The following TOLLIP variants were observed in gnomAD, a reference collection of about 807,000 sequenced individuals.
The protein encoded by TOLLIP is toll-interacting protein.
In TOLLIP, 16 loss-of-function variants were observed where a neutral mutation model predicts 33.5. The observed-to-expected ratio is 0.48, with a 90% CI of 0.32 to 0.72. TOLLIP has a LOEUF of 0.72. Ranked by LOEUF, TOLLIP falls within the 30% of genes least tolerant of loss-of-function variation. The probability of loss-of-function intolerance (pLI) is 0.03; values close to 1 mark genes in which losing one functional copy is unlikely to be tolerated. For missense variants in TOLLIP, 325 were observed against 396.6 expected (o/e 0.82, Z 1.53); for synonymous variants, 176 against 163.7 (o/e 1.07, Z -0.57).
intron 4 of TOLLIP, among the ~76,000 whole-genome samples, chr11:1,288,294 G>A (rs773429643): frequency 3.5e-4 from 53 of 152,330 alleles, no homozygotes; most frequent in Non-Finnish European, 5.6e-4. Flanking sequence ...GGACCCTAAG[G>A]GCAGAGCTTG....
Position 1,276,845 on chromosome 11 carries a change from C to T in TOLLIP, c.*194G>A, listed in dbSNP as rs5744018. The T allele has an allele frequency of 6.5e-7, 1 of 1,533,258 alleles. No homozygotes were observed. The highest frequency in any genetic ancestry group is 8.7e-7 in the Non-Finnish European group (1 of 1,145,440). The allele number at this position is 1,533,258 out of a possible 1,614,324, so 95.0% of individuals were successfully genotyped here. The stretch of plus-strand genomic sequence containing the variant: ...GCACGAGATGGGAGGGGAGCCCCCG[C>T]CCCGTCCTGGACCGCCAGGAACCGA... On this transcript the variant is annotated 3_prime_UTR_variant, in exon 6 of 6. Transcript: ENST00000317204.
At position 1,288,784 on chromosome 11, in the gene TOLLIP, A is replaced by G. The variant is rs930572396; in HGVS notation, c.367-8T>C. 1 of 1,610,098 alleles carries G rather than the reference A, an allele frequency of 6.2e-7. No homozygotes were observed. The highest frequency in any genetic ancestry group is 1.3e-5 in the African/African-American group (1 of 74,864). On this transcript the variant is annotated splice_region_variant and splice_polypyrimidine_tract_variant and intron_variant, in intron 3 of 5. Coordinates refer to ENST00000317204, the MANE Select transcript of TOLLIP (RefSeq NM_019009.4). ...GTCCATGGAGAAGGCTCTCTGCGGG[A>G]GACAAGAGGGAGAGGCCCCAGGCAT...
chr11:1,302,300 C>T (rs892435145), intron 1 of TOLLIP, among the ~76,000 whole-genome samples: 5 of 152,334 alleles, frequency 3.3e-5, no homozygotes, highest in African/African-American at 9.6e-5. Context: ...GTGGCCCTGG[C>T]GGTCCCTCTG....
chr11:1,290,860 A>C lies in TOLLIP; in HGVS notation c.184-451T>G, dbSNP rs1863910755. On this transcript the variant is annotated intron_variant, in intron 2 of 5. Coordinates refer to ENST00000317204, the MANE Select transcript of TOLLIP (RefSeq NM_019009.4). The surrounding 1 kb of genome is among the most constrained non-coding windows in gnomAD (Gnocchi z 4.9). ...TGCATCCTCGCTCTAGGTGAGAGTG[A>C]GGACACCTGCTGCACATAATTCAGA... 6.2e-6 allele frequency: 1 copy of C among 160,598 alleles called. No homozygotes were observed. The highest frequency in any genetic ancestry group is 6.0e-5 in the Admixed American group (1 of 16,628). The allele number at this position is 160,598 out of a possible 1,614,324, so 9.9% of individuals were successfully genotyped here.
intron 5 of TOLLIP, chr11:1,283,548 C>T: frequency 2.2e-6 from 1 of 456,232 alleles, no homozygotes; most frequent in Non-Finnish European, 4.4e-6. Flanking sequence ...TCCTGCATCT[C>T]CTTGGGAACT....
rs1590230874 is a variant in TOLLIP, at chr11:1,303,979, T to A, written c.33+5487A>T. On this transcript the variant is annotated intron_variant, in intron 1 of 5. Transcript: ENST00000317204. The surrounding 1 kb of genome is among the most constrained non-coding windows in gnomAD (Gnocchi z 4.2). ...TGAACCTGGGAGGAAGAGGTTGCAG[T>A]GAGTTGAGATTGTGCCACTGCACTC... 7.1e-6 allele frequency among the ~76,000 whole-genome samples: 1 copy of A among 141,676 alleles called. No homozygotes were observed. The highest frequency in any genetic ancestry group is 2.7e-5 in the African/African-American group (1 of 37,196). The allele number at this position is 141,676 out of a possible 152,430, so 92.9% of individuals were successfully genotyped here.
intron 1 of TOLLIP, among the ~76,000 whole-genome samples, chr11:1,308,789 G>T (rs1471326874): frequency 1.2e-5 from 1 of 83,208 alleles, no homozygotes; most frequent in Non-Finnish European, 2.6e-5. Context: ...GTGTAAATGA[G>T]AAAGAGGAAA....
intron 2 of TOLLIP, among the ~76,000 whole-genome samples, chr11:1,293,059 G>A (rs573654819): frequency 6.6e-6 from 1 of 152,294 alleles, no homozygotes; most frequent in Admixed American, 6.5e-5. Context: ...GGGTGGGTGC[G>A]GGGGGCTCCA....
At chr11:1,293,306 G>A (rs1056823804) in intron 2 of TOLLIP, among the ~76,000 whole-genome samples, 4 of 152,228 alleles carry the variant, frequency 2.6e-5, no homozygotes, top group African/African-American at 9.6e-5. Flanking sequence ...GCCATGGTCC[G>A]TACCTAGGGA....
At chr11:1,286,556 C>T (rs922307952) in intron 4 of TOLLIP, among the ~76,000 whole-genome samples, 3 of 151,738 alleles carry the variant, frequency 2.0e-5, no homozygotes, top group South Asian at 2.1e-4. Flanking sequence ...CTGTCAACTG[C>T]GGATAAGTCA....
intron 4 of TOLLIP, among the ~76,000 whole-genome samples, chr11:1,287,409 GCCTCCCCGCCGCAC>G (rs1564969382): frequency 0.027 from 3,016 of 111,030 alleles, 874 homozygotes; most frequent in South Asian, 0.045. Context: ...CCCCGCCGCA[GCCTCCCCGCCGCAC>G]CCTCCCCGCC....
At position 1,305,312 on chromosome 11, in the gene TOLLIP, C is replaced by T. The variant is rs756518479; in HGVS notation, c.33+4154G>A. On this transcript the variant is annotated intron_variant, in intron 1 of 5. Transcript: ENST00000317204. Reference sequence around the variant, plus strand: ...CTGGCTCAGGTGCAGTCAGCAGGAACGGACGCCCTCCCAGGAGCAGCCCAC... The same window carrying T: ...CTGGCTCAGGTGCAGTCAGCAGGAATGGACGCCCTCCCAGGAGCAGCCCAC... Among the ~76,000 whole-genome samples, 7 of 152,336 alleles carry T rather than the reference C, an allele frequency of 4.6e-5. No homozygotes were observed. The South Asian group carries it at 1.2e-3, about 27-fold the overall frequency.
Position 1,275,566 on chromosome 11 carries a change from G to C in TOLLIP, c.*1473C>G, listed in dbSNP as rs1590200746. 6.6e-6 allele frequency: 1 copy of C among 152,232 alleles called. No individual in the cohort carries two copies. Among genetic ancestry groups the C allele is most frequent in the East Asian group, 1.9e-4 (1 of 5,180 alleles). The allele number at this position is 152,232 out of a possible 1,614,324, so 9.4% of individuals were successfully genotyped here. On this transcript the variant is annotated 3_prime_UTR_variant, in exon 6 of 6. Coordinates refer to ENST00000317204, the MANE Select transcript of TOLLIP (RefSeq NM_019009.4). Reference sequence around the variant, plus strand: ...GTCTTTCTTCTTCAAAGGATCAAAGGCCTTTAGGACCCACAGCTGAAGAAG... The same window carrying C: ...GTCTTTCTTCTTCAAAGGATCAAAGCCCTTTAGGACCCACAGCTGAAGAAG...
intron 1 of TOLLIP, among the ~76,000 whole-genome samples, chr11:1,300,391 G>C (rs555138738): frequency 1.9e-4 from 29 of 152,282 alleles, no homozygotes; most frequent in African/African-American, 6.5e-4. Flanking sequence ...AAAGAAAAGA[G>C]GTCTCCAACA....
intron 1 of TOLLIP, among the ~76,000 whole-genome samples, chr11:1,300,013 T>C (rs1864221661): frequency 6.6e-6 from 1 of 152,226 alleles, no homozygotes; most frequent in African/African-American, 2.4e-5. Flanking sequence ...CATTCAGGAA[T>C]GGAACTCGAG....
intron 5 of TOLLIP, among the ~76,000 whole-genome samples, chr11:1,279,883 T>C (rs997724283): frequency 6.6e-6 from 1 of 152,138 alleles, no homozygotes; most frequent in African/African-American, 2.4e-5. Context: ...GCTGAAGGCA[T>C]GTGGCCCTGG....
At chr11:1,292,332 C>G (rs1863977839) in intron 2 of TOLLIP, among the ~76,000 whole-genome samples, 1 of 152,190 alleles carries the variant, frequency 6.6e-6, no homozygotes, top group South Asian at 2.1e-4. Flanking sequence ...CTCTGCCTAG[C>G]TGCTATGACT....
chr11:1,294,263 G>C (rs1299378260), intron 2 of TOLLIP, among the ~76,000 whole-genome samples: 1 of 113,580 alleles, frequency 8.8e-6, no homozygotes, highest in Non-Finnish European at 1.8e-5. Context: ...CTCACAGTGT[G>C]TCTCCTTTCC....
At chr11:1,284,499 C>T (rs1403154839) in intron 5 of TOLLIP, among the ~76,000 whole-genome samples, 1 of 152,150 alleles carries the variant, frequency 6.6e-6, no homozygotes, top group Non-Finnish European at 1.5e-5. Context: ...CAGGCGCCCA[C>T]CACCGCGCCC....
Sources: gnomAD v4.1 joint callset for allele counts (sites outside exome capture counted in the v4.1 genomes callset) on GRCh38, gnomAD v4.1.1 for gene constraint, Gnocchi (gnomAD v3.1) non-coding constraint, MANE v1.5 for transcripts, NCBI Gene and HGNC (gene_info 2026-07-23, HGNC 2026-07-21) for gene names.